Variants in ZNF208 observed in about 807,000 individuals in gnomAD.
ZNF208 encodes zinc finger protein 208, also known as zinc finger protein 95.
A neutral mutation model predicts 12.1 loss-of-function variants in ZNF208; 10 were observed. The ratio of observed to expected loss-of-function variants is 0.83; its 90% confidence interval spans 0.51 to 1.40. The LOEUF is 1.40. Among genes scored for constraint, ZNF208 ranks in the 40% most tolerant of loss-of-function variants. ZNF208 has a pLI of 0.00. For missense variants in ZNF208, 1,652 were observed against 1,485.0 expected (o/e 1.11, Z -1.85); for synonymous variants, 497 against 488.4 (o/e 1.02, Z -0.23).
At chr19:21,943,323 C>G (rs1292137765) in intron 4 of ZNF208, among the ~76,000 whole-genome samples, 1 of 151,824 alleles carries the variant, frequency 6.6e-6, no homozygotes, top group Non-Finnish European at 1.5e-5. Flanking sequence ...TGTAAATAAA[C>G]AAAAAAATAC....
chr19:21,981,790 G>T (rs779300003), intron 3 of ZNF208, among the ~76,000 whole-genome samples: 1 of 152,158 alleles, frequency 6.6e-6, no homozygotes, highest in Non-Finnish European at 1.5e-5. Flanking sequence ...CAGATGACAT[G>T]ATTGTATATT....
At chr19:21,995,816 C>G (rs1294843267) in intron 1 of ZNF208, among the ~76,000 whole-genome samples, 1 of 152,172 alleles carries the variant, frequency 6.6e-6, no homozygotes, top group African/African-American at 2.4e-5. Context: ...ACTCCTGGAG[C>G]CTCTCATATA....
intron 3 of ZNF208, among the ~76,000 whole-genome samples, chr19:21,977,333 C>G (rs913853647): frequency 6.6e-6 from 1 of 152,190 alleles, no homozygotes; most frequent in Non-Finnish European, 1.5e-5. Context: ...CCAGCGCGAT[C>G]GACACAGAAG....
chr19:21,948,985 C>T (rs1402663915), intron 4 of ZNF208, among the ~76,000 whole-genome samples: 1 of 152,148 alleles, frequency 6.6e-6, no homozygotes, highest in Non-Finnish European at 1.5e-5. Flanking sequence ...TATTAGAAAG[C>T]TTGCAAAGAA....
At chr19:22,005,006 G>T (rs1231747700) in intron 1 of ZNF208, among the ~76,000 whole-genome samples, 3 of 152,146 alleles carry the variant, frequency 2.0e-5, no homozygotes, top group Non-Finnish European at 4.4e-5. Context: ...GGCCCAGGTG[G>T]GGCTGTACTC....
chr19:21,982,357 CAAAAA>C (rs34234040), intron 3 of ZNF208, among the ~76,000 whole-genome samples: 1 of 107,420 alleles, frequency 9.3e-6, no homozygotes. Flanking sequence ...GACTCCATCT[CAAAAA>C]AAAAAAAAAA....
chr19:21,983,558 T>G (rs1970582759), intron 3 of ZNF208, among the ~76,000 whole-genome samples: 1 of 152,106 alleles, frequency 6.6e-6, no homozygotes, highest in Non-Finnish European at 1.5e-5. Context: ...AATACACATG[T>G]TTTTTGCAGC....
chr19:21,990,388 A>T (rs958239550), intron 1 of ZNF208, among the ~76,000 whole-genome samples: 3 of 152,188 alleles, frequency 2.0e-5, no homozygotes, highest in African/African-American at 7.2e-5. Flanking sequence ...AAGATCAGAT[A>T]GTTGTAGATA....
At chr19:21,993,447 T>C (rs538604412) in intron 1 of ZNF208, among the ~76,000 whole-genome samples, 2 of 151,840 alleles carry the variant, frequency 1.3e-5, no homozygotes, top group South Asian at 2.1e-4. Flanking sequence ...ACAGAATCCA[T>C]GGACAGGGCA....
At position 21,966,873 on chromosome 19, in the gene ZNF208, T is replaced by C. The variant is rs1231192794; in HGVS notation, c.*4318A>G. On this transcript the variant is annotated 3_prime_UTR_variant, in exon 4 of 4. Coordinates refer to ENST00000397126, the MANE Select transcript of ZNF208 (RefSeq NM_007153.3). Reference sequence around the variant, plus strand: ...TTAGGAACGTTGAGCAATTTTTACATGTTTATTGGCAGCTCTTATGTCTTC... The same window carrying C: ...TTAGGAACGTTGAGCAATTTTTACACGTTTATTGGCAGCTCTTATGTCTTC... 6.6e-6 allele frequency: 1 copy of C among 152,166 alleles called. No individual in the cohort carries two copies. The highest frequency in any genetic ancestry group is 6.6e-5 in the Admixed American group (1 of 15,256). The allele number at this position is 152,166 out of a possible 1,614,324, so 9.4% of individuals were successfully genotyped here.
chr19:21,974,738 A>T lies in ZNF208; in HGVS notation c.296T>A (p.Ile99Lys), dbSNP rs1012780346. 6.2e-7 allele frequency: 1 copy of T among 1,611,708 alleles called. No individual in the cohort carries two copies. The highest frequency in any genetic ancestry group is 1.3e-5 in the African/African-American group (1 of 74,834). The change falls in exon 4 of 4, where the codon ATA (isoleucine) becomes AAA (lysine). Residue 99 changes from isoleucine (I) to lysine (K), a missense_variant. Ile to Lys is a moderately radical substitution (Grantham distance 102, BLOSUM62 -3). Transcript: ENST00000397126. Reference protein sequence around the residue: ...QGIEDSFQKVILRRYEKCGHE... With the variant: ...QGIEDSFQKVKLRRYEKCGHE... ...TCCACATTTTTCATACCTTCTCAATATCACTTTTTGGAAAGAATCTTCTAT... is the reference window on the plus strand; with the variant it reads ...TCCACATTTTTCATACCTTCTCAATTTCACTTTTTGGAAAGAATCTTCTAT...
chr19:21,944,078 T>C (rs2666457), intron 4 of ZNF208, among the ~76,000 whole-genome samples: 93,545 of 152,098 alleles, frequency 0.62, 29,474 homozygotes, highest in African/African-American at 0.73. Context: ...TTTCATTAAA[T>C]GCTGTTTCAT....
intron 4 of ZNF208, among the ~76,000 whole-genome samples, chr19:21,944,341 C>A (rs941704485): frequency 6.6e-6 from 1 of 152,186 alleles, no homozygotes; most frequent in African/African-American, 2.4e-5. Context: ...AACCTAAATT[C>A]AACAGTAGTT....
chr19:21,940,303 T>G (rs893685455), intron 4 of ZNF208: 1 of 148,826 alleles, frequency 6.7e-6, no homozygotes, highest in Non-Finnish European at 1.5e-5. Flanking sequence ...ACTTTTTTAG[T>G]TATTATTGTT....
chr19:21,941,529 TAA>T (rs1287064374), intron 4 of ZNF208: 38 of 361,072 alleles, frequency 1.1e-4, no homozygotes, highest in Non-Finnish European at 1.5e-4. Context: ...CAAGTGCAAA[TAA>T]AAAGTTATTT....
chr19:21,956,455 G>T (rs971649880), intron 4 of ZNF208, among the ~76,000 whole-genome samples: 1 of 152,188 alleles, frequency 6.6e-6, no homozygotes, highest in Non-Finnish European at 1.5e-5. Flanking sequence ...ACAGAGGCAG[G>T]CAGGCCTCCT....
intron 3 of ZNF208, among the ~76,000 whole-genome samples, chr19:21,985,470 A>G (rs1970616665): frequency 6.6e-6 from 1 of 152,228 alleles, no homozygotes; most frequent in East Asian, 1.9e-4. Context: ...AAACTTTGCT[A>G]AAGCCCAAGA....
chr19:22,001,142 A>C (rs1970939195), intron 1 of ZNF208, among the ~76,000 whole-genome samples: 1 of 152,110 alleles, frequency 6.6e-6, no homozygotes, highest in South Asian at 2.1e-4. Context: ...AAAATTACCC[A>C]GGCATAGTGG....
At chr19:22,001,428 A>C (rs1487839313) in intron 1 of ZNF208, among the ~76,000 whole-genome samples, 1 of 152,212 alleles carries the variant, frequency 6.6e-6, no homozygotes, top group Non-Finnish European at 1.5e-5. Flanking sequence ...CAGATGTACA[A>C]ATAGAAGCTG....
Sources: allele counts gnomAD v4.1 joint callset (sites outside exome capture counted in the v4.1 genomes callset), GRCh38; gene constraint gnomAD v4.1.1; transcripts MANE v1.5; gene names NCBI Gene and HGNC (gene_info 2026-07-23, HGNC 2026-07-21).